The following LSAMP variants were observed in gnomAD, a reference collection of about 807,000 sequenced individuals.
LSAMP encodes the protein limbic system-associated membrane protein.
Under a neutral mutation model 38.6 loss-of-function variants are expected in LSAMP, and 7 were observed. The observed-to-expected ratio is 0.18, with a 90% CI of 0.10 to 0.34. LSAMP has a LOEUF of 0.34. Ranked by LOEUF, LSAMP falls within the 10% of genes least tolerant of loss-of-function variation. The pLI, the probability that LSAMP is intolerant of heterozygous loss-of-function variation, is 1.00. For missense variants in LSAMP, 313 were observed against 420.0 expected, an observed-to-expected ratio of 0.75 and a Z score of 2.23; for synonymous variants, 154 against 166.8, an observed-to-expected ratio of 0.92 and a Z score of 0.59.
At chr3:116,413,243 T>TTA (rs10545832) in intron 1 of LSAMP, among the ~76,000 whole-genome samples, 5,115 of 150,398 alleles carry the variant, frequency 0.034, 277 homozygotes, top group African/African-American at 0.12. Context: ...TTTCATGACA[T>TTA]TATATATATA....
intron 3 of LSAMP, among the ~76,000 whole-genome samples, chr3:115,890,633 C>T (rs538722777): frequency 8.5e-5 from 13 of 152,080 alleles, no homozygotes; most frequent in Non-Finnish European, 1.8e-4. Flanking sequence ...TTCTCCTACT[C>T]TTCGCCTGTT....
At chr3:116,325,954 A>T (rs917094170) in intron 1 of LSAMP, among the ~76,000 whole-genome samples, 54 of 152,082 alleles carry the variant, frequency 3.6e-4, no homozygotes, top group African/African-American at 1.3e-3. Flanking sequence ...GACATTCATA[A>T]TTTTTTTCCC....
intron 1 of LSAMP, among the ~76,000 whole-genome samples, chr3:116,289,749 C>T (rs1397033699): frequency 2.6e-5 from 4 of 152,088 alleles, no homozygotes; most frequent in Non-Finnish European, 5.9e-5. Flanking sequence ...CCAGCACAAA[C>T]CTGCTTATTA....
At chr3:116,380,555 C>T (rs1202742750) in intron 1 of LSAMP, among the ~76,000 whole-genome samples, 1 of 151,976 alleles carries the variant, frequency 6.6e-6, no homozygotes, top group Non-Finnish European at 1.5e-5. Flanking sequence ...CTGAGGCAAC[C>T]AATTTAACAG....
intron 1 of LSAMP, among the ~76,000 whole-genome samples, chr3:116,343,961 T>C (rs532825957): frequency 1.3e-5 from 2 of 152,226 alleles, no homozygotes; most frequent in African/African-American, 4.8e-5. Flanking sequence ...AAAGGGAAAC[T>C]GGATAATATA....
intron 1 of LSAMP, among the ~76,000 whole-genome samples, chr3:116,183,104 A>G (rs1345065662): frequency 6.6e-6 from 1 of 151,860 alleles, no homozygotes; most frequent in Non-Finnish European, 1.5e-5. Flanking sequence ...TTTGATACAC[A>G]TTGAAGCAGA....
chr3:116,101,101 AG>A (rs1708337538), intron 1 of LSAMP, among the ~76,000 whole-genome samples: 1 of 152,186 alleles, frequency 6.6e-6, no homozygotes, highest in South Asian at 2.1e-4. Context: ...CCTTACACAA[AG>A]AAGTTTCTAG....
At chr3:115,811,997 G>C (rs1333953513) in intron 6 of LSAMP, among the ~76,000 whole-genome samples, 2 of 152,190 alleles carry the variant, frequency 1.3e-5, no homozygotes, top group East Asian at 3.9e-4. Context: ...GTACTACACA[G>C]TAAAGGGGTG....
rs12634839 is a variant in LSAMP, at chr3:116,319,212, A to T, written c.155+125665T>A. On this transcript the variant is annotated intron_variant, in intron 1 of 6. Coordinates refer to ENST00000490035, the MANE Select transcript of LSAMP (RefSeq NM_002338.5). ...AAATGCAAATTAAACTAAATTTACT[A>T]TGCTTCCTTTCCTCTATAAAAAAGT... 2.0e-4 allele frequency among the ~76,000 whole-genome samples: 31 copies of T among 152,334 alleles called. No homozygotes were observed. The East Asian group carries it at 4.6e-3, about 23-fold the overall frequency.
intron 1 of LSAMP, among the ~76,000 whole-genome samples, chr3:116,370,522 A>T (rs1179309786): frequency 3.3e-5 from 5 of 152,168 alleles, no homozygotes; most frequent in African/African-American, 9.7e-5. Flanking sequence ...AGTAGTAGCT[A>T]CCATTCACCC....
At chr3:115,942,351 G>A (rs564160146) in intron 3 of LSAMP, among the ~76,000 whole-genome samples, 9 of 152,142 alleles carry the variant, frequency 5.9e-5, no homozygotes, top group Middle Eastern at 3.4e-3. Flanking sequence ...CATCACCAAC[G>A]GTCATAATTC....
At chr3:115,959,881 G>A (rs546318706) in intron 3 of LSAMP, among the ~76,000 whole-genome samples, 1 of 152,278 alleles carries the variant, frequency 6.6e-6, no homozygotes, top group South Asian at 2.1e-4. Flanking sequence ...AGAATGGCAT[G>A]GGATTTCGAT....
intron 1 of LSAMP, among the ~76,000 whole-genome samples, chr3:116,402,652 T>C (rs1480627370): frequency 2.6e-5 from 4 of 152,086 alleles, no homozygotes; most frequent in Non-Finnish European, 5.9e-5. Context: ...GTATACATCA[T>C]CAAGCATATA....
At chr3:116,248,203 G>A (rs369278089) in intron 1 of LSAMP, among the ~76,000 whole-genome samples, 1 of 152,170 alleles carries the variant, frequency 6.6e-6, no homozygotes, top group South Asian at 2.1e-4. Context: ...TGGGAGCAGG[G>A]AAGGGCCATC....
At chr3:116,201,903 C>T (rs9851336) in intron 1 of LSAMP, among the ~76,000 whole-genome samples, 75,870 of 152,004 alleles carry the variant, frequency 0.5, 21,425 homozygotes, top group East Asian at 0.74. Context: ...GGCACAAACA[C>T]CAGTAGTGTT....
intron 1 of LSAMP, among the ~76,000 whole-genome samples, chr3:116,227,486 T>C (rs2046354845): frequency 1.3e-5 from 2 of 152,226 alleles, no homozygotes; most frequent in Non-Finnish European, 2.9e-5. Flanking sequence ...CTAATATTTG[T>C]TAAATCAATG....
At chr3:115,984,146 G>T (rs190585336) in intron 3 of LSAMP, among the ~76,000 whole-genome samples, 75 of 152,206 alleles carry the variant, frequency 4.9e-4, no homozygotes, top group Non-Finnish European at 9.3e-4. Flanking sequence ...AGCTGGGTAT[G>T]GGGAGCAAAT....
chr3:115,857,037 G>C (rs1935528574), intron 3 of LSAMP, among the ~76,000 whole-genome samples: 1 of 152,154 alleles, frequency 6.6e-6, no homozygotes, highest in Non-Finnish European at 1.5e-5. Flanking sequence ...TTTTACTGGG[G>C]AAGAAAGGGT....
At chr3:116,029,517 T>C (rs1320492133) in intron 2 of LSAMP, among the ~76,000 whole-genome samples, 1 of 152,006 alleles carries the variant, frequency 6.6e-6, no homozygotes, top group Non-Finnish European at 1.5e-5. Flanking sequence ...TCCAAATAAC[T>C]CAAGGTAAGA....
Sources: gnomAD v4.1 joint callset for allele counts (sites outside exome capture counted in the v4.1 genomes callset) on GRCh38, gnomAD v4.1.1 for gene constraint, MANE v1.5 for transcripts, NCBI Gene and HGNC (gene_info 2026-07-23, HGNC 2026-07-21) for gene names.